Variants in GRM7 observed in about 807,000 individuals in gnomAD.
GRM7 encodes metabotropic glutamate receptor 7.
In GRM7, 35 loss-of-function variants were observed where a neutral mutation model predicts 84.5. The observed-to-expected ratio is 0.41, with a 90% CI of 0.32 to 0.55. The LOEUF (loss-of-function observed/expected upper bound fraction) is 0.55. Ranked by LOEUF, GRM7 falls within the 20% of genes least tolerant of loss-of-function variation. The pLI is 0.19. For missense variants in GRM7, 1,003 were observed against 1,194.6 expected (o/e 0.84, Z 2.36); for synonymous variants, 487 against 455.1 (o/e 1.07, Z -0.89).
chr3:7,561,668 A>G (rs1694034197), intron 7 of GRM7: 1 of 412,566 alleles, frequency 2.4e-6, no homozygotes, highest in East Asian at 7.3e-5. Flanking sequence ...TAAGCACTCT[A>G]TTTGTCTAAT....
At chr3:6,880,056 C>T (rs1695451345) in intron 1 of GRM7, among the ~76,000 whole-genome samples, 1 of 152,158 alleles carries the variant, frequency 6.6e-6, no homozygotes, top group African/African-American at 2.4e-5. Flanking sequence ...CAGACTCTCA[C>T]TTAGATCTCG....
At chr3:7,085,540 T>C (rs151149425) in intron 1 of GRM7, among the ~76,000 whole-genome samples, 240 of 152,282 alleles carry the variant, frequency 1.6e-3, no homozygotes, top group African/African-American at 4.9e-3. Context: ...AGCTTCCATA[T>C]TGGCAAACTA....
chr3:7,076,106 G>A (rs1698068034), intron 1 of GRM7, among the ~76,000 whole-genome samples: 1 of 152,140 alleles, frequency 6.6e-6, no homozygotes, highest in African/African-American at 2.4e-5. Context: ...TGCTGGGCAT[G>A]GGGAGAGTGC....
At chr3:7,281,150 G>A (rs370808274) in intron 2 of GRM7, among the ~76,000 whole-genome samples, 6 of 152,192 alleles carry the variant, frequency 3.9e-5, no homozygotes, top group South Asian at 2.1e-4. Context: ...CCATGCACTC[G>A]GGTATTTCTA....
At chr3:7,730,430 T>G (rs1212493377) in intron 9 of GRM7, among the ~76,000 whole-genome samples, 1 of 152,220 alleles carries the variant, frequency 6.6e-6, no homozygotes, top group Non-Finnish European at 1.5e-5. Flanking sequence ...TAAAACAGTA[T>G]CTGACAAATA....
chr3:7,649,518 T>A (rs1698829485), intron 8 of GRM7, among the ~76,000 whole-genome samples: 1 of 152,188 alleles, frequency 6.6e-6, no homozygotes, highest in South Asian at 2.1e-4. Flanking sequence ...TTTTGTCTCT[T>A]GCGATTTTTT....
intron 8 of GRM7, among the ~76,000 whole-genome samples, chr3:7,611,849 C>T (rs528989670): frequency 2.5e-4 from 38 of 152,086 alleles, no homozygotes; most frequent in Non-Finnish European, 3.1e-4. Context: ...AGACGTGGAA[C>T]ATTGAAGTTA....
intron 1 of GRM7, among the ~76,000 whole-genome samples, chr3:6,917,789 C>G (rs910731093): frequency 6.6e-6 from 1 of 152,068 alleles, no homozygotes; most frequent in African/African-American, 2.4e-5. Flanking sequence ...AAAAAAATGT[C>G]ACATTGGAAA....
intron 8 of GRM7, among the ~76,000 whole-genome samples, chr3:7,604,228 CA>C (rs2125073280): frequency 6.6e-6 from 1 of 151,780 alleles, no homozygotes; most frequent in African/African-American, 2.4e-5. Context: ...AAAATAATCT[CA>C]AAAAAGGTTA....
At chr3:7,606,987 GA>G (rs1696606957) in intron 8 of GRM7, 1 of 152,086 alleles carries the variant, frequency 6.6e-6, no homozygotes, top group Non-Finnish European at 1.5e-5. Flanking sequence ...AGTAAACAAA[GA>G]AAATAAGCTC....
At chr3:6,900,722 TG>T (rs1696353193) in intron 1 of GRM7, among the ~76,000 whole-genome samples, 1 of 152,200 alleles carries the variant, frequency 6.6e-6, no homozygotes, top group Non-Finnish European at 1.5e-5. Flanking sequence ...AGGATATATT[TG>T]AATGTCATTT....
At position 7,243,889 on chromosome 3, in the gene GRM7, A is replaced by T. The variant is rs140922959; in HGVS notation, c.737-54795A>T. 1.7e-3 allele frequency among the ~76,000 whole-genome samples: 260 copies of T among 152,302 alleles called. 2 individuals are homozygous for T. The highest frequency in any genetic ancestry group is 6.0e-3 in the African/African-American group (248 of 41,570). On this transcript the variant is annotated intron_variant, in intron 2 of 9. Coordinates refer to ENST00000357716, the MANE Select transcript of GRM7 (RefSeq NM_000844.4). ...TACTGTAGGCAATTGTAATACAATG[A>T]TAAGTATTTTTGTGTTCAAACAAAT...
intron 8 of GRM7, among the ~76,000 whole-genome samples, chr3:7,580,163 T>C (rs1188693080): frequency 6.6e-6 from 1 of 152,240 alleles, no homozygotes; most frequent in Non-Finnish European, 1.5e-5. Context: ...ATGATTCTTA[T>C]ACATCTGACT....
At chr3:7,649,739 T>C (rs1698839265) in intron 8 of GRM7, among the ~76,000 whole-genome samples, 1 of 151,996 alleles carries the variant, frequency 6.6e-6, no homozygotes, top group Non-Finnish European at 1.5e-5. Flanking sequence ...CTATTTACCA[T>C]CCTCCTCCCT....
At chr3:7,426,095 G>A (rs913616129) in intron 5 of GRM7, among the ~76,000 whole-genome samples, 4 of 150,552 alleles carry the variant, frequency 2.7e-5, no homozygotes, top group Non-Finnish European at 5.9e-5. Context: ...CATATCATAC[G>A]TTCTTTCTTT....
intron 1 of GRM7, among the ~76,000 whole-genome samples, chr3:6,889,833 T>C (rs1383127197): frequency 6.6e-6 from 1 of 152,200 alleles, no homozygotes. Flanking sequence ...GTACTTCTGG[T>C]AGAATTCGGC....
intron 7 of GRM7, among the ~76,000 whole-genome samples, chr3:7,506,114 C>T (rs371233362): frequency 1.2e-3 from 184 of 152,230 alleles, no homozygotes; most frequent in Non-Finnish European, 2.4e-3. Context: ...TTTCTTTGAC[C>T]AGATATCCTA....
intron 4 of GRM7, among the ~76,000 whole-genome samples, chr3:7,406,051 T>A (rs1381447289): frequency 6.6e-6 from 1 of 152,072 alleles, no homozygotes; most frequent in Non-Finnish European, 1.5e-5. Context: ...TTTTTTTGGC[T>A]CCTAGAATAC....
intron 1 of GRM7, among the ~76,000 whole-genome samples, chr3:7,041,525 G>A (rs1413432544): frequency 2.0e-5 from 3 of 152,052 alleles, no homozygotes; most frequent in Non-Finnish European, 2.9e-5. Context: ...TTCTTTCAGC[G>A]CTTGCTGAAC....
Sources: allele counts gnomAD v4.1 joint callset (sites outside exome capture counted in the v4.1 genomes callset), GRCh38; gene constraint gnomAD v4.1.1; transcripts MANE v1.5; gene names NCBI Gene and HGNC (gene_info 2026-07-23, HGNC 2026-07-21).